The following MTOR variants were observed in gnomAD, a reference collection of about 807,000 sequenced individuals.
MTOR encodes the protein mechanistic target of rapamycin kinase, also known as serine/threonine-protein kinase mTOR.
Under a neutral mutation model 319.8 loss-of-function variants are expected in MTOR, and 70 were observed. That is an observed-to-expected ratio of 0.22 (90% CI 0.18 to 0.27). MTOR has a LOEUF of 0.27. MTOR is among the 10% of genes least tolerant of loss of function. The pLI is 1.00. For missense variants in MTOR, 1,890 were observed against 3,274.4 expected (o/e 0.58, Z 10.32); for synonymous variants, 1,183 against 1,211.4 (o/e 0.98, Z 0.49).
rs1343808825 is a variant in MTOR at position 11,112,934 on chromosome 1, AG to A, written c.7301-18del. 6.2e-7 allele frequency: 1 copy of A among 1,612,514 alleles called. No individual in the cohort carries two copies. The highest frequency in any genetic ancestry group is 8.5e-7 in the Non-Finnish European group (1 of 1,179,278). ...TGGTATTTGCTAGGGAGAGAAATAAAGAGTATTGAAACATGCTTCAAATTTT... is the reference window on the plus strand; with the variant it reads ...TGGTATTTGCTAGGGAGAGAAATAAAAGTATTGAAACATGCTTCAAATTTT... On this transcript the variant is annotated intron_variant, in intron 53 of 57. Coordinates refer to ENST00000361445, the MANE Select transcript of MTOR (RefSeq NM_004958.4).
intron 28 of MTOR, among the ~76,000 whole-genome samples, chr1:11,192,893 A>C (rs1397537370): frequency 1.3e-5 from 2 of 152,180 alleles, no homozygotes; most frequent in African/African-American, 2.4e-5. Context: ...TCAAACAACA[A>C]GCCTTCTAAC....
intron 4 of MTOR, 53 bp downstream of exon 4, chr1:11,256,880 C>T: frequency 2.6e-6 from 4 of 1,543,276 alleles, no homozygotes; most frequent in Admixed American, 3.6e-5. Context: ...AAGACCCCCC[C>T]ATGACACCAT....
intron 56 of MTOR, 64 bp from the exon 57 acceptor site, chr1:11,108,350 T>C: frequency 7.9e-7 from 1 of 1,273,240 alleles, no homozygotes; most frequent in South Asian, 1.2e-5. Flanking sequence ...TCTTGTTCCC[T>C]GTGGGCTTAA....
Position 11,231,052 on chromosome 1 carries a change from G to A in MTOR, c.2652C>T (p.Ala884=). Residue 884 remains alanine (A), a splice_region_variant and synonymous_variant, in exon 18 of 58, where the codon GCC becomes GCT. Transcript: ENST00000361445. The part of the protein sequence containing the change: ...TEQNQGTRRE[A]IRVLGLLGAL... ...CCCCTAAAAGCCCTAACACACGGAT[G>A]GCCTGCGTGGGAAAGGGGAGGGAAA... The A allele has an allele frequency of 6.2e-7, 1 of 1,614,082 alleles. No individual in the cohort carries two copies. The highest frequency in any genetic ancestry group is 8.5e-7 in the Non-Finnish European group (1 of 1,180,026).
Position 11,259,382 on chromosome 1 carries a change from T to C in MTOR, c.28A>G (p.Thr10Ala), listed in dbSNP as rs368184120. The C allele has an allele frequency of 5.0e-6, 8 of 1,592,240 alleles. No individual in the cohort carries two copies. In the African/African-American group the frequency reaches 8.2e-5, roughly 16 times the overall value. The change falls in exon 2 of 58, where the codon ACC (threonine) becomes GCC (alanine). Residue 10 changes from threonine (T) to alanine (A), a missense_variant. By Grantham distance (58) the Thr-to-Ala change is moderately conservative (BLOSUM62 0). This residue lies in a region of MTOR where 85 missense variants were observed against 105.8 expected (regional missense o/e 0.80). Transcript: ENST00000361445. The stretch of plus-strand genomic sequence containing the variant: ...TTGCTAGATGTGGTGGCAGCGGTGG[T>C]GGCGGCGGCAGGTCCGGTTCCAAGC... MLGTGPAAA[T>A]TAATTSSNVS...
Position 11,220,195 on chromosome 1 carries a change from G to C in MTOR, c.3031-3961C>G, listed in dbSNP as rs560203774. ...CAAGTCTCAAACAGGATAATCAAAA[G>C]AAATTCACATCTAGATATATAATAG... is the stretch of plus-strand genomic sequence containing the variant. On this transcript the variant is annotated intron_variant, in intron 19 of 57. Coordinates refer to ENST00000361445, the MANE Select transcript of MTOR (RefSeq NM_004958.4). Among the ~76,000 whole-genome samples, 3 of 151,782 alleles carry C rather than the reference G, an allele frequency of 2.0e-5. No homozygotes were observed. The South Asian group carries it at 6.2e-4, about 32-fold the overall frequency.
In MTOR at chr1:11,121,857, C is replaced by T; in HGVS notation, c.6810+122G>A. 2 of 1,330,960 alleles carry T rather than the reference C, an allele frequency of 1.5e-6. No homozygotes were observed. Among genetic ancestry groups the T allele is most frequent in the Non-Finnish European group, 2.0e-6 (2 of 978,710 alleles). 82.4% of individuals were successfully genotyped at this position (1,330,960 alleles called of 1,614,324 possible). A position where few individuals can be genotyped will look rare whatever the true frequency, so the allele number is the denominator to read the frequency against. On this transcript the variant is annotated intron_variant, in intron 48 of 57. Transcript: ENST00000361445. This position sits in a 1 kb window ranked among gnomAD's most constrained non-coding sequence, Gnocchi z 4.9. ...AGGACTCACTTTATTAAACCTTCTT[C>T]AAAGCTGATTCTCTCAAAGAGATTT...
At chr1:11,123,945 G>A (rs111466451) in intron 47 of MTOR, among the ~76,000 whole-genome samples, 4,284 of 152,102 alleles carry the variant, frequency 0.028, 158 homozygotes, top group Admixed American at 0.07. Context: ...CCGCCACCAC[G>A]CCCAGCTAAT....
At chr1:11,156,515 C>T (rs78271920) in intron 30 of MTOR, among the ~76,000 whole-genome samples, 9,079 of 152,136 alleles carry the variant, frequency 0.06, 383 homozygotes, top group South Asian at 0.12. Context: ...CTACCTTCTC[C>T]TTTACCTATC....
intron 28 of MTOR, among the ~76,000 whole-genome samples, chr1:11,173,757 G>A (rs11585553): frequency 0.18 from 28,005 of 152,078 alleles, 2,875 homozygotes; most frequent in Non-Finnish European, 0.24. Flanking sequence ...CGCCTCTAAA[G>A]CTGCTGGAGA....
Position 11,145,017 on chromosome 1 carries a change from T to A in MTOR, c.4715A>T (p.Asp1572Val). 1 of 1,614,164 alleles carries A rather than the reference T, an allele frequency of 6.2e-7. No individual in the cohort carries two copies. Among genetic ancestry groups the A allele is most frequent in the Non-Finnish European group, 8.5e-7 (1 of 1,180,010 alleles). Residue 1572 changes from aspartate (D) to valine (V), a missense_variant, in exon 33 of 58, where the codon GAT (aspartate) becomes GTT (valine). Physicochemically the swap from Asp to Val is radical, Grantham distance 152. Around this residue, in one of 15 missense-constraint regions of MTOR, gnomAD observed 276 missense variants for 459.4 expected, o/e 0.60. Coordinates refer to ENST00000361445, the MANE Select transcript of MTOR (RefSeq NM_004958.4). ...QCIDKARDLL[D>V]AELTAMAGES... ...TCCTGCCATCGCAGTTAATTCAGCA[T>A]CCAGCAGGTCCCTGGCCTTGTCAAT...
At chr1:11,238,745 C>A in intron 11 of MTOR, 128 bp from the exon 12 acceptor site, 1 of 713,980 alleles carries the variant, frequency 1.4e-6, no homozygotes. Flanking sequence ...TTGATCAATA[C>A]GATACTGACC....
At chr1:11,187,766 A>G (rs1316593315) in intron 28 of MTOR, among the ~76,000 whole-genome samples, 11 of 152,206 alleles carry the variant, frequency 7.2e-5, no homozygotes, top group Non-Finnish European at 1.5e-5. Flanking sequence ...AATGAATGCT[A>G]TGGAGCTAAG....
chr1:11,237,768 T>C (rs1647408978), intron 13 of MTOR, 75 bp downstream of exon 13: 1 of 1,530,394 alleles, frequency 6.5e-7, no homozygotes, highest in South Asian at 1.1e-5. Context: ...TGTCCTCAAC[T>C]CCGCTTCCTC....
chr1:11,202,653 C>T (rs929027344), intron 26 of MTOR, among the ~76,000 whole-genome samples: 22 of 152,086 alleles, frequency 1.4e-4, no homozygotes, highest in Middle Eastern at 6.8e-3. Context: ...TGACTCATGC[C>T]TATAAATCAC....
rs1229706546 is a variant in MTOR, at chr1:11,133,073, T to C, written c.5364+7A>G. 1 of 1,613,338 alleles carries C rather than the reference T, an allele frequency of 6.2e-7. No individual in the cohort carries two copies. The highest frequency in any genetic ancestry group is 8.5e-7 in the Non-Finnish European group (1 of 1,179,448). ...CTGGGTCTCACAGGTGGCCTGCTTC[T>C]GATCACCTTGTACCAGCTGCGGTCG... On this transcript the variant is annotated splice_region_variant and intron_variant, in intron 38 of 57. Coordinates refer to ENST00000361445, the MANE Select transcript of MTOR (RefSeq NM_004958.4). This position sits in a 1 kb window ranked among gnomAD's most constrained non-coding sequence, Gnocchi z 4.0.
At position 11,132,900 on chromosome 1, in the gene MTOR, T is replaced by C. The variant is rs192686659; in HGVS notation, c.5364+180A>G. The C allele has an allele frequency of 4.3e-4, 263 of 611,776 alleles. 3 individuals carry two copies. The East Asian group carries it at 6.5e-3, about 15-fold the overall frequency. The allele number at this position is 611,776 out of a possible 1,614,324, so 37.9% of individuals were successfully genotyped here. A position where few individuals can be genotyped will look rare whatever the true frequency, so the allele number is the denominator to read the frequency against. ...TTCTCCAATAATCTTTCTGTATTAA[T>C]TAAACTTGTAGGGGGAAATGCAGGC... On this transcript the variant is annotated intron_variant, in intron 38 of 57. Transcript: ENST00000361445.
chr1:11,145,357 G>A (rs1643896564), intron 32 of MTOR: 1 of 360,954 alleles, frequency 2.8e-6, no homozygotes. Flanking sequence ...TGCATCTCAA[G>A]AGGACATAAC....
At chr1:11,142,868 T>C (rs990547331) in intron 34 of MTOR, among the ~76,000 whole-genome samples, 1 of 152,174 alleles carries the variant, frequency 6.6e-6, no homozygotes. Flanking sequence ...CCAAAAGCAT[T>C]GGTGCAACTC....
Sources: gnomAD v4.1 joint callset for allele counts (sites outside exome capture counted in the v4.1 genomes callset) on GRCh38, gnomAD v4.1.1 for gene constraint, gnomAD v4.1.1 regional missense constraint, Gnocchi (gnomAD v3.1) non-coding constraint, MANE v1.5 for transcripts, NCBI Gene and HGNC (gene_info 2026-07-23, HGNC 2026-07-21) for gene names.